STIM2: variants seen among roughly 807,000 people sequenced by gnomAD.
STIM2 encodes stromal interaction molecule 2.
In STIM2, 31 loss-of-function variants were observed where a neutral mutation model predicts 85.8. That is an observed-to-expected ratio of 0.36 (90% CI 0.27 to 0.49). STIM2 has a LOEUF of 0.49. STIM2 is among the 20% of genes least tolerant of loss of function. The pLI, the probability that STIM2 is intolerant of heterozygous loss-of-function variation, is 0.98. For synonymous variants in STIM2, 356 were observed against 331.1 expected (o/e 1.08, Z -0.82); for missense variants, 841 against 927.6 (o/e 0.91, Z 1.21).
intron 4 of STIM2, 58 bp from the exon 5 acceptor site, chr4:26,999,174 C>G: frequency 2.8e-6 from 2 of 705,438 alleles, no homozygotes. Context: ...AATTTGTATA[C>G]TAGAAATATT....
chr4:26,880,163 T>G (rs1257161385), intron 1 of STIM2, among the ~76,000 whole-genome samples: 1 of 152,206 alleles, frequency 6.6e-6, no homozygotes, highest in African/African-American at 2.4e-5. Flanking sequence ...TTTTTACCAT[T>G]TCCATCTACC....
At chr4:26,878,929 C>A (rs910097571) in intron 1 of STIM2, among the ~76,000 whole-genome samples, 3 of 152,180 alleles carry the variant, frequency 2.0e-5, no homozygotes, top group Non-Finnish European at 4.4e-5. Flanking sequence ...CCCCTGTGGG[C>A]CAGTCACCTC....
At chr4:26,953,947 C>T (rs1330161607) in intron 2 of STIM2, among the ~76,000 whole-genome samples, 2 of 152,058 alleles carry the variant, frequency 1.3e-5, no homozygotes, top group African/African-American at 4.8e-5. Context: ...GGTTGTTCTC[C>T]TCTAGGTGAG....
chr4:26,958,793 T>TG (rs1233580161), intron 3 of STIM2, among the ~76,000 whole-genome samples: 2 of 152,034 alleles, frequency 1.3e-5, no homozygotes, highest in African/African-American at 4.8e-5. Context: ...GTGAAAATGG[T>TG]GGGGAACTCA....
chr4:26,949,887 TAA>T (rs1469507602), intron 2 of STIM2, among the ~76,000 whole-genome samples: 1 of 152,208 alleles, frequency 6.6e-6, no homozygotes, highest in Non-Finnish European at 1.5e-5. Context: ...AATATATACA[TAA>T]GTTTTTACGT....
intron 1 of STIM2, among the ~76,000 whole-genome samples, chr4:26,868,369 C>T (rs1454563432): frequency 6.6e-6 from 1 of 152,128 alleles, no homozygotes; most frequent in Non-Finnish European, 1.5e-5. Context: ...ATTTTCTCTA[C>T]CTCTTTTTGA....
At chr4:26,976,311 C>T (rs1209856492) in intron 3 of STIM2, among the ~76,000 whole-genome samples, 1 of 151,690 alleles carries the variant, frequency 6.6e-6, no homozygotes, top group Non-Finnish European at 1.5e-5. Context: ...ATGCAGAAAT[C>T]ACCTGTCTTC....
chr4:26,913,458 G>A (rs368502514), intron 1 of STIM2, among the ~76,000 whole-genome samples: 1 of 152,104 alleles, frequency 6.6e-6, no homozygotes, highest in Non-Finnish European at 1.5e-5. Flanking sequence ...TGTATGGTAT[G>A]TTGCATATTT....
rs140946347 is a variant in STIM2, at chr4:26,937,627, A to G, written c.282+17993A>G. Among the ~76,000 whole-genome samples the G allele has an allele frequency of 1.6e-3, 237 of 152,256 alleles. 1 individual carries two copies. The highest frequency in any genetic ancestry group is 5.4e-3 in the African/African-American group (226 of 41,536). ...TATAGATAGGATGGCCATATAATTT[A>G]TTATCCCAACTGGCATTTTTTCTGA... On this transcript the variant is annotated intron_variant, in intron 2 of 11. Transcript: ENST00000467087.
intron 1 of STIM2, among the ~76,000 whole-genome samples, chr4:26,869,593 A>G (rs1722536322): frequency 6.6e-6 from 1 of 152,022 alleles, no homozygotes. Context: ...CAGTGACATG[A>G]TCATAGCTCA....
intron 1 of STIM2, among the ~76,000 whole-genome samples, chr4:26,908,100 C>A (rs1250214750): frequency 6.6e-6 from 1 of 152,190 alleles, no homozygotes; most frequent in Admixed American, 6.5e-5. Flanking sequence ...CCAGTAAACA[C>A]ATAGCAACAC....
At chr4:26,908,800 A>G (rs1337392320) in intron 1 of STIM2, among the ~76,000 whole-genome samples, 4 of 152,192 alleles carry the variant, frequency 2.6e-5, no homozygotes, top group Non-Finnish European at 2.9e-5. Context: ...ATTGTTTTAT[A>G]TAATACAGTA....
intron 1 of STIM2, among the ~76,000 whole-genome samples, chr4:26,890,823 C>CAAAA (rs60092225): frequency 2.0e-5 from 1 of 51,048 alleles, no homozygotes; most frequent in Non-Finnish European, 4.3e-5. Context: ...GACTCCGTCT[C>CAAAA]AAAAAAAAAA....
At chr4:26,977,500 G>T (rs1339609947) in intron 3 of STIM2, among the ~76,000 whole-genome samples, 1 of 152,204 alleles carries the variant, frequency 6.6e-6, no homozygotes. Context: ...AGGAGTAGAA[G>T]TAGAAGACCT....
chr4:26,913,567 A>T (rs1188661927), intron 1 of STIM2, among the ~76,000 whole-genome samples: 2 of 152,326 alleles, frequency 1.3e-5, no homozygotes, highest in East Asian at 3.9e-4. Context: ...GAGTAATGTT[A>T]TTAGATTTCT....
At chr4:26,991,619 T>C (rs1727767428) in intron 3 of STIM2, among the ~76,000 whole-genome samples, 3 of 152,150 alleles carry the variant, frequency 2.0e-5, no homozygotes, top group Admixed American at 6.5e-5. Context: ...AGGTGATGGA[T>C]ATCTCAGTTA....
intron 2 of STIM2, among the ~76,000 whole-genome samples, chr4:26,939,633 T>C (rs757859394): frequency 6.6e-6 from 1 of 152,164 alleles, no homozygotes; most frequent in Non-Finnish European, 1.5e-5. Context: ...GTACCTGAAA[T>C]GTCTTTTAAG....
At chr4:26,994,066 A>G (rs1418363996) in intron 3 of STIM2, among the ~76,000 whole-genome samples, 1 of 152,030 alleles carries the variant, frequency 6.6e-6, no homozygotes, top group Non-Finnish European at 1.5e-5. Flanking sequence ...ATCTATTAAT[A>G]GCTGTCTTTT....
intron 3 of STIM2, among the ~76,000 whole-genome samples, chr4:26,993,842 A>T (rs886537891): frequency 6.6e-6 from 1 of 152,156 alleles, no homozygotes; most frequent in African/African-American, 2.4e-5. Flanking sequence ...TTCTGTGAAC[A>T]GTTTGCCTGA....
Sources: gnomAD v4.1 joint callset for allele counts (sites outside exome capture counted in the v4.1 genomes callset) on GRCh38, gnomAD v4.1.1 for gene constraint, MANE v1.5 for transcripts, NCBI Gene and HGNC (gene_info 2026-07-23, HGNC 2026-07-21) for gene names.